CLIP2: variants seen among roughly 807,000 people sequenced by gnomAD.
CLIP2 encodes CAP-Gly domain-containing linker protein 2.
CLIP2 carries 41 observed loss-of-function variants against 111.7 expected under a neutral mutation model. That is an observed-to-expected ratio of 0.37 (90% CI 0.29 to 0.48). The LOEUF is 0.48. Ranked by LOEUF, CLIP2 falls within the 20% of genes least tolerant of loss-of-function variation. The pLI is 0.99. For missense variants in CLIP2, 1,160 were observed against 1,422.1 expected (o/e 0.82, Z 2.96); for synonymous variants, 660 against 644.2 (o/e 1.02, Z -0.37).
intron 1 of CLIP2, among the ~76,000 whole-genome samples, chr7:74,314,543 G>A (rs1448952200): frequency 6.6e-6 from 1 of 152,168 alleles, no homozygotes; most frequent in African/African-American, 2.4e-5. Flanking sequence ...TTCAAAATCT[G>A]TGACCACAGA....
intron 11 of CLIP2, among the ~76,000 whole-genome samples, chr7:74,384,659 T>C (rs1362000474): frequency 1.3e-5 from 2 of 151,796 alleles, no homozygotes; most frequent in South Asian, 2.1e-4. Context: ...TTGGCCAGAC[T>C]GGTCTTGAAC....
rs569937235 is a variant in CLIP2 at position 74,389,159 on chromosome 7, A to G, written c.2620A>G (p.Lys874Glu). 1 of 1,613,728 alleles carries G rather than the reference A, an allele frequency of 6.2e-7. No individual in the cohort carries two copies. Among genetic ancestry groups the G allele is most frequent in the East Asian group, 2.2e-5 (1 of 44,852 alleles). The change falls in exon 13 of 17, where the codon AAG becomes GAG. Residue 874 changes from lysine (K) to glutamate (E), a missense_variant. Physicochemically the swap from Lys to Glu is moderately conservative, Grantham distance 56 (BLOSUM62 1). Coordinates refer to ENST00000223398, the MANE Select transcript of CLIP2 (RefSeq NM_003388.5). ...GAAGGTGGACGCCCTCCTGAAGGAG[A>G]AGCGGCGCCTGGAGGCAGAGCTGGA... is the stretch of plus-strand genomic sequence containing the variant. ...EKKVDALLKE[K>E]RRLEAELETV...
At chr7:74,342,148 G>C (rs1224480310) in intron 3 of CLIP2, among the ~76,000 whole-genome samples, 2 of 152,144 alleles carry the variant, frequency 1.3e-5, no homozygotes, top group Non-Finnish European at 2.9e-5. Context: ...GGCTGAGGCA[G>C]GTGGATCACC....
At chr7:74,402,329 CA>C (rs1232917733) in intron 16 of CLIP2, among the ~76,000 whole-genome samples, 46 of 43,198 alleles carry the variant, frequency 1.1e-3, no homozygotes, top group African/African-American at 1.3e-3. Flanking sequence ...GACTCCATCT[CA>C]AAAAAAAAAA....
Position 74,360,168 on chromosome 7 carries a change from G to T in CLIP2, c.1216-7G>T. The T allele has an allele frequency of 6.3e-7, 1 of 1,593,582 alleles. No individual in the cohort carries two copies. Among genetic ancestry groups the T allele is most frequent in the South Asian group, 1.1e-5 (1 of 87,808 alleles). ...TGACCCTGTCCTGGCCTTCCTTGGG[G>T]GCCCAGTATGTTGCAGAAGCCGAGG... On this transcript the variant is annotated splice_region_variant and splice_polypyrimidine_tract_variant and intron_variant, in intron 6 of 16. Transcript: ENST00000223398.
Position 74,332,460 on chromosome 7 carries a change from C to CTTTTTTTT in CLIP2, c.122-5975_122-5968dup, listed in dbSNP as rs386410474. Among the ~76,000 whole-genome samples the CTTTTTTTT allele has an allele frequency of 1.5e-4, 17 of 110,326 alleles. 1 individual carries two copies. Among genetic ancestry groups the CTTTTTTTT allele is most frequent in the Non-Finnish European group, 1.8e-4 (10 of 56,144 alleles). The allele number at this position is 110,326 out of a possible 152,430, so 72.4% of individuals were successfully genotyped here. ...ATGCCTCACTGCAGCCTAGAATTCT[C>CTTTTTTTT]TTTTTTTTTTTTTTTTTTTTAGAGA... is the stretch of plus-strand genomic sequence containing the variant. On this transcript the variant is annotated intron_variant, in intron 2 of 16. Coordinates refer to ENST00000223398, the MANE Select transcript of CLIP2 (RefSeq NM_003388.5).
At chr7:74,325,604 G>T (rs1429094192) in intron 2 of CLIP2, among the ~76,000 whole-genome samples, 1 of 152,202 alleles carries the variant, frequency 6.6e-6, no homozygotes, top group Non-Finnish European at 1.5e-5. Context: ...GGCCGACGCA[G>T]GTGGATCACT....
intron 1 of CLIP2, among the ~76,000 whole-genome samples, chr7:74,306,031 C>G (rs1159887077): frequency 6.6e-6 from 1 of 152,134 alleles, no homozygotes; most frequent in African/African-American, 2.4e-5. Context: ...CTCTCATACT[C>G]TCTAGATCCC....
chr7:74,326,293 G>A (rs1312473010), intron 2 of CLIP2, among the ~76,000 whole-genome samples: 3 of 152,120 alleles, frequency 2.0e-5, no homozygotes, highest in Non-Finnish European at 4.4e-5. Flanking sequence ...CGTTGCCCAG[G>A]GTTACAGGGC....
chr7:74,386,599 T>C lies in CLIP2; in HGVS notation c.2558T>C (p.Val853Ala), dbSNP rs1554314838. ...CAGACCGAGATGCTCAGGGCCCAAGTAAGTGGTAAGTCTCCCTCCCGCAGG... is the reference window on the plus strand; with the variant it reads ...CAGACCGAGATGCTCAGGGCCCAAGCAAGTGGTAAGTCTCCCTCCCGCAGG... ...TSQTEMLRAQ[V>A]SALESKCKSG... The change falls in exon 12 of 17, where the codon GTA (valine) becomes GCA (alanine). Residue 853 changes from valine (V) to alanine (A), a missense_variant. Val to Ala is a moderately conservative substitution (Grantham distance 64, BLOSUM62 0). Transcript: ENST00000223398. 1 of 1,605,168 alleles carries C rather than the reference T, an allele frequency of 6.2e-7. No homozygotes were observed. The highest frequency in any genetic ancestry group is 8.5e-7 in the Non-Finnish European group (1 of 1,176,618).
intron 13 of CLIP2, among the ~76,000 whole-genome samples, chr7:74,390,904 C>A (rs782732573): frequency 1.0e-3 from 154 of 151,904 alleles, no homozygotes; most frequent in Non-Finnish European, 1.7e-3. Context: ...AAAACATTAG[C>A]CAGGCGTGTT....
intron 1 of CLIP2, among the ~76,000 whole-genome samples, chr7:74,310,715 T>G (rs1473485548): frequency 6.6e-6 from 1 of 151,866 alleles, no homozygotes; most frequent in African/African-American, 2.4e-5. Context: ...TTTTTAACTT[T>G]CTTTTTTTTT....
At position 74,338,507 on chromosome 7, in the gene CLIP2, C is replaced by T. The variant is rs1554732591; in HGVS notation, c.181C>T (p.Pro61Ser). Reference sequence around the variant, plus strand: ...CTCCTCCCCGGCCGCAGCTGCTGCCCCCGAGAAGCCGGGCCCCAAGGCGGC... The same window carrying T: ...CTCCTCCCCGGCCGCAGCTGCTGCCTCCGAGAAGCCGGGCCCCAAGGCGGC... ...PSSSPAAAAA[P>S]EKPGPKAAEV... The change falls in exon 3 of 17, where the codon CCC becomes TCC. Residue 61 changes from proline (P) to serine (S), a missense_variant. Around this residue, in one of 5 missense-constraint regions of CLIP2, gnomAD observed 301 missense variants for 315.2 expected, o/e 0.96. Coordinates refer to ENST00000223398, the MANE Select transcript of CLIP2 (RefSeq NM_003388.5). The surrounding 1 kb of genome is among the most constrained non-coding windows in gnomAD (Gnocchi z 4.3). 5 of 1,610,922 alleles carry T rather than the reference C, an allele frequency of 3.1e-6. No homozygotes were observed. In the East Asian group the frequency reaches 8.9e-5, roughly 29 times the overall value.
chr7:74,375,049 G>A (rs769157841), intron 9 of CLIP2, among the ~76,000 whole-genome samples: 1 of 151,924 alleles, frequency 6.6e-6, no homozygotes, highest in East Asian at 1.9e-4. Context: ...TCTTTAAAAA[G>A]AATGTTAACA....
chr7:74,364,435 G>C, intron 8 of CLIP2, 120 bp downstream of exon 8: 1 of 800,084 alleles, frequency 1.2e-6, no homozygotes, highest in South Asian at 1.7e-5. Flanking sequence ...GGCTGGGGGG[G>C]AAAATGGGGA....
intron 3 of CLIP2, among the ~76,000 whole-genome samples, chr7:74,351,900 A>C (rs1348542189): frequency 6.6e-6 from 1 of 152,160 alleles, no homozygotes; most frequent in Non-Finnish European, 1.5e-5. Context: ...TAAACCAAGA[A>C]AGAAGAGTCA....
intron 1 of CLIP2, among the ~76,000 whole-genome samples, chr7:74,305,567 C>T (rs1170892203): frequency 2.0e-5 from 3 of 152,190 alleles, no homozygotes; most frequent in African/African-American, 4.8e-5. Flanking sequence ...CATCTCAGCT[C>T]ACTGCAATCT....
At chr7:74,335,391 T>C (rs984198737) in intron 2 of CLIP2, among the ~76,000 whole-genome samples, 12 of 152,134 alleles carry the variant, frequency 7.9e-5, no homozygotes, top group African/African-American at 2.9e-4. Flanking sequence ...GACAGGGTCT[T>C]GCTATGTTGC....
At chr7:74,375,811 C>A in intron 9 of CLIP2, 76 bp from the exon 10 acceptor site, 1 of 1,278,172 alleles carries the variant, frequency 7.8e-7, no homozygotes, top group Non-Finnish European at 1.0e-6. Context: ...CCCTACCCGG[C>A]CCCCACCATT....
Sources: allele counts gnomAD v4.1 joint callset (sites outside exome capture counted in the v4.1 genomes callset), GRCh38; gene constraint gnomAD v4.1.1; regional missense constraint gnomAD v4.1.1; non-coding constraint Gnocchi (gnomAD v3.1); transcripts MANE v1.5; gene names NCBI Gene and HGNC (gene_info 2026-07-23, HGNC 2026-07-21).